STK31: variants seen among roughly 807,000 people sequenced by gnomAD.
The protein encoded by STK31 is serine/threonine-protein kinase 31.
Under a neutral mutation model 129.7 loss-of-function variants are expected in STK31, and 89 were observed. That is an observed-to-expected ratio of 0.69 (90% CI 0.58 to 0.82). The LOEUF (loss-of-function observed/expected upper bound fraction) is 0.82. Among genes scored for constraint, STK31 ranks in the 40% least tolerant of loss-of-function variants. The pLI, the probability that STK31 is intolerant of heterozygous loss-of-function variation, is 0.00. For missense variants in STK31, 1,187 were observed against 1,176.4 expected, an observed-to-expected ratio of 1.01 and a Z score of -0.13; for synonymous variants, 448 against 395.3, an observed-to-expected ratio of 1.13 and a Z score of -1.58.
At chr7:23,811,643 A>C (rs1248078268) in intron 22 of STK31, 1 of 160,922 alleles carries the variant, frequency 6.2e-6, no homozygotes, top group African/African-American at 2.4e-5. Context: ...GGCTGGAGGT[A>C]GATGATAGCA....
chr7:23,716,961 A>G (rs1316374186), intron 3 of STK31, among the ~76,000 whole-genome samples: 2 of 151,604 alleles, frequency 1.3e-5, no homozygotes, highest in Non-Finnish European at 2.9e-5. Context: ...TGCCCGGCTA[A>G]TCTTTTGTAT....
chr7:23,787,741 TACACACACACACACACACAC>T (rs71888376), intron 20 of STK31, among the ~76,000 whole-genome samples: 7 of 145,516 alleles, frequency 4.8e-5, no homozygotes, highest in Admixed American at 2.7e-4. Context: ...GGTATGATTG[TACACACACACACACACACAC>T]ACACACACAC....
chr7:23,723,919 C>T (rs769600281), intron 4 of STK31, among the ~76,000 whole-genome samples: 3 of 152,056 alleles, frequency 2.0e-5, no homozygotes, highest in South Asian at 4.1e-4. Context: ...TTTAAGCTGG[C>T]GGCCAAAGAG....
At chr7:23,736,519 C>T (rs1420514614) in intron 7 of STK31, among the ~76,000 whole-genome samples, 1 of 120,540 alleles carries the variant, frequency 8.3e-6, no homozygotes, top group African/African-American at 3.3e-5. Flanking sequence ...AGGAGCTAAA[C>T]TGTCAAATGG....
rs374765088 is a variant in STK31 at position 23,766,577 on chromosome 7, A to T, written c.1417-2418A>T. On this transcript the variant is annotated intron_variant, in intron 11 of 23. Transcript: ENST00000355870. The stretch of plus-strand genomic sequence containing the variant: ...CCTTCTTATTTCCATAATTGTTATC[A>T]GTCTAATCTTTGTTCTTCTGTGATC... Among the ~76,000 whole-genome samples, 21 of 152,252 alleles carry T rather than the reference A, an allele frequency of 1.4e-4. No homozygotes were observed. The East Asian group carries it at 3.9e-3, about 28-fold the overall frequency.
At chr7:23,808,943 T>TTATGTGTGTGTGTGTGTGTG (rs71552258) in intron 22 of STK31, among the ~76,000 whole-genome samples, 1,746 of 84,492 alleles carry the variant, frequency 0.021, 43 homozygotes, top group African/African-American at 0.024. Flanking sequence ...CTTGGAGCTT[T>TTATGTGTGTGTGTGTGTGTG]TGTGTGTGTG....
intron 22 of STK31, among the ~76,000 whole-genome samples, chr7:23,808,943 T>TTG (rs1554297249): frequency 0.19 from 16,349 of 84,460 alleles, 1,518 homozygotes; most frequent in African/African-American, 0.33. Context: ...CTTGGAGCTT[T>TTG]TGTGTGTGTG....
intron 23 of STK31, among the ~76,000 whole-genome samples, chr7:23,823,636 C>T (rs1197972501): frequency 1.3e-5 from 2 of 152,186 alleles, no homozygotes; most frequent in South Asian, 2.1e-4. Flanking sequence ...CTTTTGTTGC[C>T]ATTGCTTTTG....
chr7:23,736,543 T>G (rs1377087246), intron 7 of STK31, among the ~76,000 whole-genome samples: 1 of 23,474 alleles, frequency 4.3e-5, no homozygotes, highest in African/African-American at 1.6e-4. Context: ...TGGGAGGCGG[T>G]GGACGGGGGG....
intron 8 of STK31, among the ~76,000 whole-genome samples, chr7:23,743,427 C>G (rs1016875309): frequency 6.6e-6 from 1 of 152,168 alleles, no homozygotes; most frequent in South Asian, 2.1e-4. Context: ...GTATTCTTGA[C>G]TAGCAGTTTC....
At chr7:23,781,372 T>C (rs1206677581) in intron 15 of STK31, 47 bp from the exon 16 acceptor site, 5 of 1,390,180 alleles carry the variant, frequency 3.6e-6, no homozygotes, top group African/African-American at 1.4e-5. Context: ...AAAAGAAGAC[T>C]TGTTTTCTCT....
chr7:23,819,107 C>T (rs1793637252), intron 23 of STK31, among the ~76,000 whole-genome samples: 1 of 152,112 alleles, frequency 6.6e-6, no homozygotes, highest in African/African-American at 2.4e-5. Context: ...TTGTTGAAGA[C>T]CATAATAAGA....
In STK31 at chr7:23,749,781, C is replaced by T. The variant is rs150370530; in HGVS notation, c.1018-2936C>T. 4.4e-3 allele frequency among the ~76,000 whole-genome samples: 675 copies of T among 152,208 alleles called. 7 individuals are homozygous for T. The highest frequency in any genetic ancestry group is 0.016 in the African/African-American group (655 of 41,530). On this transcript the variant is annotated intron_variant, in intron 8 of 23. Transcript: ENST00000355870. ...GTTGTATAGTCCTGTGATTAGGTCT[C>T]AGTCTTTTTGTGAGTCTATGTCTCT...
At chr7:23,726,138 T>A (rs1332257416) in intron 4 of STK31, 1 of 152,194 alleles carries the variant, frequency 6.6e-6, no homozygotes, top group Non-Finnish European at 1.5e-5. Context: ...TGAGATTTGG[T>A]GGATGATATC....
At chr7:23,790,075 A>G (rs1404245245) in intron 21 of STK31, among the ~76,000 whole-genome samples, 2 of 152,176 alleles carry the variant, frequency 1.3e-5, no homozygotes, top group African/African-American at 4.8e-5. Flanking sequence ...CATTTCTAAC[A>G]AGCTACCAGT....
At chr7:23,831,089 G>T (rs1794516599) in intron 23 of STK31, among the ~76,000 whole-genome samples, 1 of 152,174 alleles carries the variant, frequency 6.6e-6, no homozygotes, top group Non-Finnish European at 1.5e-5. Context: ...CTTATGAGAA[G>T]TATGTGTATT....
At position 23,754,338 on chromosome 7, in the gene STK31, T is replaced by G; in HGVS notation, c.1157T>G (p.Phe386Cys). ...EMRHVDISVR[F>C]GKDLSDAIQV... Reference sequence around the variant, plus strand: ...AGGCATGTCGACATCAGTGTCCGTTTCGGAAAAGACCTTTCAGATGCTATA... The same window carrying G: ...AGGCATGTCGACATCAGTGTCCGTTGCGGAAAAGACCTTTCAGATGCTATA... Residue 386 changes from phenylalanine (F) to cysteine (C), a missense_variant, in exon 10 of 24, where the codon TTC (phenylalanine) becomes TGC (cysteine). Transcript: ENST00000355870. 1 of 1,611,254 alleles carries G rather than the reference T, an allele frequency of 6.2e-7. No homozygotes were observed. The highest frequency in any genetic ancestry group is 8.5e-7 in the Non-Finnish European group (1 of 1,179,396).
chr7:23,768,382 C>T (rs1382394804), intron 11 of STK31, among the ~76,000 whole-genome samples: 1 of 152,068 alleles, frequency 6.6e-6, no homozygotes, highest in Non-Finnish European at 1.5e-5. Flanking sequence ...TAGAAGATAT[C>T]CGTGTTGTTA....
chr7:23,758,598 TG>T (rs1789259810), intron 10 of STK31, among the ~76,000 whole-genome samples: 1 of 152,186 alleles, frequency 6.6e-6, no homozygotes, highest in African/African-American at 2.4e-5. Flanking sequence ...CTTTCTGATG[TG>T]GGTATTTAGT....
Sources: allele counts gnomAD v4.1 joint callset (sites outside exome capture counted in the v4.1 genomes callset), GRCh38; gene constraint gnomAD v4.1.1; transcripts MANE v1.5; gene names NCBI Gene and HGNC (gene_info 2026-07-23, HGNC 2026-07-21).